The following WDPCP variants were observed in gnomAD, a reference collection of about 807,000 sequenced individuals.
The protein encoded by WDPCP is WD repeat-containing and planar cell polarity effector protein fritz homolog.
Under a neutral mutation model 93.1 loss-of-function variants are expected in WDPCP, and 71 were observed. That is an observed-to-expected ratio of 0.76 (90% CI 0.63 to 0.93). The LOEUF (loss-of-function observed/expected upper bound fraction) is 0.93. WDPCP is among the 40% of genes least tolerant of loss of function. The pLI, the probability that WDPCP is intolerant of heterozygous loss-of-function variation, is 0.00. For missense variants in WDPCP, 844 were observed against 887.4 expected, an observed-to-expected ratio of 0.95 and a Z score of 0.62; for synonymous variants, 315 against 315.0, an observed-to-expected ratio of 1.00 and a Z score of 0.00.
intron 12 of WDPCP, among the ~76,000 whole-genome samples, chr2:63,371,295 C>T (rs1340583684): frequency 1.3e-5 from 2 of 152,140 alleles, no homozygotes; most frequent in Admixed American, 6.6e-5. Flanking sequence ...ACTCTATCTT[C>T]ATTCCCTTTG....
chr2:63,550,738 CATATGTATGTGTATAT>C (rs1239537416), intron 1 of WDPCP, among the ~76,000 whole-genome samples: 1 of 149,046 alleles, frequency 6.7e-6, no homozygotes, highest in Non-Finnish European at 1.5e-5. Flanking sequence ...TATATATGTG[CATATGTATGTGTATAT>C]ATATACACAT....
intron 1 of WDPCP, among the ~76,000 whole-genome samples, chr2:63,576,219 G>A (rs958651180): frequency 6.6e-6 from 1 of 152,060 alleles, no homozygotes; most frequent in African/African-American, 2.4e-5. Flanking sequence ...TAACGACTCA[G>A]TCCCACAAGA....
intron 1 of WDPCP, among the ~76,000 whole-genome samples, chr2:63,525,007 A>G (rs574159978): frequency 4.6e-5 from 7 of 152,352 alleles, no homozygotes; most frequent in South Asian, 2.1e-4. Context: ...AAGTTCATCA[A>G]TGGTAGACTG....
intron 2 of WDPCP, among the ~76,000 whole-genome samples, chr2:63,708,912 T>C (rs1304521704): frequency 6.6e-6 from 1 of 150,768 alleles, no homozygotes; most frequent in African/African-American, 2.4e-5. Context: ...GCCTGGCCAA[T>C]AGCTACCCAT....
At chr2:63,391,773 C>T (rs1419947886) in intron 10 of WDPCP, among the ~76,000 whole-genome samples, 1 of 152,084 alleles carries the variant, frequency 6.6e-6, no homozygotes, top group Non-Finnish European at 1.5e-5. Context: ...CAGGAGTGAC[C>T]TCCCATTCAA....
At chr2:63,548,555 A>C (rs1272438370) in intron 1 of WDPCP, among the ~76,000 whole-genome samples, 1 of 152,214 alleles carries the variant, frequency 6.6e-6, no homozygotes, top group Non-Finnish European at 1.5e-5. Flanking sequence ...AAAGCTAAAG[A>C]ATATGTACTC....
In WDPCP at chr2:63,170,612, T is replaced by G. The variant is rs190371746; in HGVS notation, c.2078+4058A>C. On this transcript the variant is annotated intron_variant, in intron 15 of 17. Coordinates refer to ENST00000272321, the MANE Select transcript of WDPCP (RefSeq NM_015910.7). ...TCAGAGTGGGTTTCAATATACCCAG[T>G]TGCTTATTCCAATGTATCTAATTCT... Among the ~76,000 whole-genome samples, 39 of 152,304 alleles carry G rather than the reference T, an allele frequency of 2.6e-4. No individual in the cohort carries two copies. In the East Asian group the frequency reaches 7.3e-3, roughly 29 times the overall value.
At chr2:63,286,786 T>A (rs556246364) in intron 13 of WDPCP, among the ~76,000 whole-genome samples, 2 of 152,370 alleles carry the variant, frequency 1.3e-5, no homozygotes, top group Non-Finnish European at 1.5e-5. Context: ...CTGTGGTTTC[T>A]TACCATACCT....
chr2:63,505,026 C>T (rs1048703274), intron 1 of WDPCP, among the ~76,000 whole-genome samples: 1 of 151,942 alleles, frequency 6.6e-6, no homozygotes, highest in African/African-American at 2.4e-5. Context: ...AGCTTTATTT[C>T]TATTTTGACT....
chr2:63,222,185 C>G (rs147022616), intron 14 of WDPCP, among the ~76,000 whole-genome samples: 240 of 152,288 alleles, frequency 1.6e-3, no homozygotes, highest in Non-Finnish European at 2.7e-3. Flanking sequence ...TATTACAGAC[C>G]AACCTTTGTA....
chr2:63,212,576 C>T (rs2104419690), intron 14 of WDPCP, among the ~76,000 whole-genome samples: 1 of 152,216 alleles, frequency 6.6e-6, no homozygotes, highest in South Asian at 2.1e-4. Flanking sequence ...GCAAAATAAC[C>T]AGCTAACATC....
At chr2:63,635,353 A>G (rs539082780) in intron 3 of WDPCP, among the ~76,000 whole-genome samples, 7 of 152,274 alleles carry the variant, frequency 4.6e-5, no homozygotes, top group African/African-American at 1.7e-4. Flanking sequence ...AGGAGAGAAC[A>G]CTTCCAACCT....
chr2:63,124,943 C>A (rs1443488418), intron 17 of WDPCP, among the ~76,000 whole-genome samples: 1 of 151,726 alleles, frequency 6.6e-6, no homozygotes, highest in East Asian at 1.9e-4. Flanking sequence ...TGATTAACTT[C>A]TCTGATTCCC....
At chr2:63,304,587 T>C (rs544901152) in intron 13 of WDPCP, among the ~76,000 whole-genome samples, 1 of 152,334 alleles carries the variant, frequency 6.6e-6, no homozygotes, top group South Asian at 2.1e-4. Context: ...ACTTTTCCCA[T>C]GGTTTTCGCA....
intron 14 of WDPCP, among the ~76,000 whole-genome samples, chr2:63,175,380 A>C (rs1338004024): frequency 6.6e-6 from 1 of 151,180 alleles, no homozygotes; most frequent in East Asian, 1.9e-4. Flanking sequence ...GCTGTGAAAA[A>C]TATATTTTTT....
At chr2:63,617,483 C>A (rs1283063035) in intron 3 of WDPCP, among the ~76,000 whole-genome samples, 4 of 152,094 alleles carry the variant, frequency 2.6e-5, no homozygotes, top group African/African-American at 9.7e-5. Flanking sequence ...AGGAGTCCCA[C>A]AGATATATGA....
intron 2 of WDPCP, among the ~76,000 whole-genome samples, chr2:63,663,262 C>T (rs1156334560): frequency 3.9e-5 from 6 of 152,284 alleles, no homozygotes; most frequent in East Asian, 1.9e-4. Context: ...CAATGCAGGA[C>T]GACTATTATT....
intron 10 of WDPCP, among the ~76,000 whole-genome samples, chr2:63,399,208 CA>C (rs1430584050): frequency 1.3e-5 from 2 of 152,062 alleles, no homozygotes; most frequent in Non-Finnish European, 2.9e-5. Flanking sequence ...ATGTCAGTTG[CA>C]AAAGTTATCA....
chr2:63,265,395 G>A (rs990233570), intron 13 of WDPCP, among the ~76,000 whole-genome samples: 34 of 152,030 alleles, frequency 2.2e-4, no homozygotes, highest in African/African-American at 7.7e-4. Context: ...CTACTACTAT[G>A]AACAGCTGTA....
Sources: allele counts gnomAD v4.1 joint callset (sites outside exome capture counted in the v4.1 genomes callset), GRCh38; gene constraint gnomAD v4.1.1; transcripts MANE v1.5; gene names NCBI Gene and HGNC (gene_info 2026-07-23, HGNC 2026-07-21).